Variants in JADE1 observed in about 807,000 individuals in gnomAD.
JADE1 encodes protein Jade-1.
Under a neutral mutation model 81.8 loss-of-function variants are expected in JADE1, and 14 were observed. The observed-to-expected ratio is 0.17, with a 90% CI of 0.11 to 0.27. The LOEUF is 0.27. Ranked by LOEUF, JADE1 falls within the 10% of genes least tolerant of loss-of-function variation. The pLI, the probability that JADE1 is intolerant of heterozygous loss-of-function variation, is 1.00. For missense variants in JADE1, 690 were observed against 1,047.9 expected (o/e 0.66, Z 4.71); for synonymous variants, 353 against 391.9 (o/e 0.90, Z 1.17).
intron 1 of JADE1, 133 bp from the exon 2 acceptor site, chr4:128,831,600 G>A: frequency 1.4e-6 from 1 of 715,328 alleles, no homozygotes; most frequent in Non-Finnish European, 2.4e-6. Context: ...TCTTTTTACT[G>A]TTTACAATTC....
intron 4 of JADE1, among the ~76,000 whole-genome samples, chr4:128,847,060 T>G (rs1242097984): frequency 2.6e-5 from 4 of 152,150 alleles, no homozygotes; most frequent in Non-Finnish European, 5.9e-5. Flanking sequence ...TTTTGACTGG[T>G]CACATTATTC....
intron 1 of JADE1, among the ~76,000 whole-genome samples, chr4:128,820,583 A>C (rs1005586375): frequency 1.3e-5 from 2 of 152,154 alleles, no homozygotes; most frequent in Admixed American, 6.5e-5. Flanking sequence ...TACAATTGTG[A>C]TGAAACGTTT....
At chr4:128,812,776 G>A (rs1348494141) in intron 1 of JADE1, among the ~76,000 whole-genome samples, 1 of 152,276 alleles carries the variant, frequency 6.6e-6, no homozygotes, top group Non-Finnish European at 1.5e-5. Flanking sequence ...CGAGAGGGCT[G>A]GCGCCCTGCC....
At chr4:128,836,176 G>C (rs1276164558) in intron 2 of JADE1, among the ~76,000 whole-genome samples, 1 of 152,096 alleles carries the variant, frequency 6.6e-6, no homozygotes, top group Non-Finnish European at 1.5e-5. Context: ...ACTACTTTCA[G>C]TACAGTTGAT....
chr4:128,858,556 G>A (rs985511205), intron 8 of JADE1, among the ~76,000 whole-genome samples: 6 of 151,896 alleles, frequency 4.0e-5, no homozygotes, highest in Non-Finnish European at 2.9e-5. Context: ...TGGCAAAGTC[G>A]GTTTGTATTT....
In JADE1 at chr4:128,841,683, G is replaced by C. The variant is rs547814666; in HGVS notation, c.53-1270G>C. On this transcript the variant is annotated intron_variant, in intron 2 of 10. Coordinates refer to ENST00000226319, the MANE Select transcript of JADE1 (RefSeq NM_199320.4). ...GATCTGGAGCTTGGGAGGGAGGTTA[G>C]TCTGGGAATGTAGGTCTGGCAGGTT... 9.8e-4 allele frequency among the ~76,000 whole-genome samples: 149 copies of C among 152,316 alleles called. 1 individual carries two copies. Among genetic ancestry groups the C allele is most frequent in the African/African-American group, 3.5e-3 (144 of 41,568 alleles).
Position 128,823,472 on chromosome 4 carries a change from A to T in JADE1, c.-26-8261A>T, listed in dbSNP as rs537248676. On this transcript the variant is annotated intron_variant, in intron 1 of 10. Coordinates refer to ENST00000226319, the MANE Select transcript of JADE1 (RefSeq NM_199320.4). ...GCTCCTAAGAGTAAATATTATAGTT[A>T]TTTATTATGTGGTCAGTTATCATAA... 2.6e-5 allele frequency among the ~76,000 whole-genome samples: 4 copies of T among 152,336 alleles called. No individual in the cohort carries two copies. In the South Asian group the frequency reaches 8.3e-4, roughly 32 times the overall value.
Position 128,872,635 on chromosome 4 carries a change from A to ACC in JADE1, c.*374_*375dup, listed in dbSNP as rs1732280893. ...ACTCATGGTTACCTGAATATAGGGA[A>ACC]CCAGATATGGTTCTTGAGAAACCCT... On this transcript the variant is annotated 3_prime_UTR_variant, in exon 11 of 11. Transcript: ENST00000226319. 3.9e-6 allele frequency: 1 copy of ACC among 256,360 alleles called. No homozygotes were observed. The highest frequency in any genetic ancestry group is 2.2e-5 in the African/African-American group (1 of 44,974). 15.9% of individuals were successfully genotyped at this position (256,360 alleles called of 1,614,324 possible). A position where few individuals can be genotyped will look rare whatever the true frequency, so the allele number is the denominator to read the frequency against.
intron 6 of JADE1, among the ~76,000 whole-genome samples, chr4:128,852,629 T>TAA (rs1468854491): frequency 6.6e-6 from 1 of 152,136 alleles, no homozygotes; most frequent in Non-Finnish European, 1.5e-5. Flanking sequence ...TTTGAAAAGG[T>TAA]GGTTAGTGTG....
intron 2 of JADE1, among the ~76,000 whole-genome samples, chr4:128,832,124 T>C (rs1284215322): frequency 6.6e-6 from 1 of 152,218 alleles, no homozygotes; most frequent in East Asian, 1.9e-4. Flanking sequence ...AGTTGCGCTT[T>C]ATGAAAGGGG....
chr4:128,827,635 G>A (rs1328448187), intron 1 of JADE1, among the ~76,000 whole-genome samples: 2 of 152,220 alleles, frequency 1.3e-5, no homozygotes, highest in Non-Finnish European at 1.5e-5. Context: ...AATGGAGGGA[G>A]AGATCTGCAT....
At chr4:128,866,483 C>T (rs1386534960) in intron 9 of JADE1, among the ~76,000 whole-genome samples, 2 of 152,240 alleles carry the variant, frequency 1.3e-5, no homozygotes, top group Non-Finnish European at 2.9e-5. Context: ...AATGAGACTG[C>T]CTTCAGCACA....
chr4:128,821,688 T>G (rs567094468), intron 1 of JADE1, among the ~76,000 whole-genome samples: 4 of 152,144 alleles, frequency 2.6e-5, no homozygotes, highest in African/African-American at 9.6e-5. Context: ...GCCTGGCTAA[T>G]TTTTGTATTT....
At chr4:128,826,104 A>T (rs1237000084) in intron 1 of JADE1, among the ~76,000 whole-genome samples, 1 of 152,150 alleles carries the variant, frequency 6.6e-6, no homozygotes, top group South Asian at 2.1e-4. Flanking sequence ...TTGTCTCTGT[A>T]GCTATTATGT....
At chr4:128,828,846 G>A (rs1241550266) in intron 1 of JADE1, among the ~76,000 whole-genome samples, 1 of 152,114 alleles carries the variant, frequency 6.6e-6, no homozygotes, top group Non-Finnish European at 1.5e-5. Flanking sequence ...GGGTCTCCCT[G>A]TGTTGCCCAC....
At chr4:128,830,632 A>G (rs1385423614) in intron 1 of JADE1, among the ~76,000 whole-genome samples, 1 of 152,188 alleles carries the variant, frequency 6.6e-6, no homozygotes, top group Middle Eastern at 3.2e-3. Flanking sequence ...TAGGTAGGTG[A>G]TGGACTACCA....
chr4:128,828,943 C>G (rs1425038673), intron 1 of JADE1, among the ~76,000 whole-genome samples: 2 of 152,172 alleles, frequency 1.3e-5, no homozygotes, highest in East Asian at 3.9e-4. Context: ...CCGCGACCAG[C>G]CTAGTACTAA....
rs1312554243 is a variant in JADE1, at chr4:128,873,940, A to C, written c.*1678A>C. The C allele has an allele frequency of 6.6e-6, 1 of 152,628 alleles. No individual in the cohort carries two copies. The highest frequency in any genetic ancestry group is 2.4e-5 in the African/African-American group (1 of 41,464). The allele number at this position is 152,628 out of a possible 1,614,324, so 9.5% of individuals were successfully genotyped here. On this transcript the variant is annotated 3_prime_UTR_variant, in exon 11 of 11. Transcript: ENST00000226319. ...CAAATAGTAGATCTGATACATCCCCATTGTATGTACGACATTTTCAAACCA... is the reference window on the plus strand; with the variant it reads ...CAAATAGTAGATCTGATACATCCCCCTTGTATGTACGACATTTTCAAACCA...
intron 1 of JADE1, chr4:128,831,518 T>G: frequency 5.5e-6 from 3 of 545,612 alleles, no homozygotes; most frequent in Non-Finnish European, 9.8e-6. Context: ...TACTGATATG[T>G]GACTTCTCCA....
Sources: gnomAD v4.1 joint callset for allele counts (sites outside exome capture counted in the v4.1 genomes callset) on GRCh38, gnomAD v4.1.1 for gene constraint, MANE v1.5 for transcripts, NCBI Gene and HGNC (gene_info 2026-07-23, HGNC 2026-07-21) for gene names.